The following SYNE2 variants were observed in gnomAD, a reference collection of about 807,000 sequenced individuals.
SYNE2 encodes the protein spectrin repeat containing nuclear envelope protein 2, also known as nesprin-2.
Under a neutral mutation model 856.3 loss-of-function variants are expected in SYNE2, and 431 were observed. The observed-to-expected ratio is 0.50, with a 90% CI of 0.47 to 0.55. SYNE2 has a LOEUF of 0.55. Ranked by LOEUF, SYNE2 falls within the 20% of genes least tolerant of loss-of-function variation. SYNE2 has a pLI of 0.00. For missense variants in SYNE2, 8,129 were observed against 8,023.2 expected (o/e 1.01, Z -0.50); for synonymous variants, 2,923 against 2,872.3 (o/e 1.02, Z -0.56).
intron 77 of SYNE2, 45 bp from the exon 78 acceptor site, chr14:64,134,024 A>C (rs1462623558): frequency 6.2e-7 from 1 of 1,611,254 alleles, no homozygotes; most frequent in Admixed American, 1.7e-5. Context: ...TCTGGAACCA[A>C]TCTGGTAAAG....
chr14:63,814,348 G>T (rs1888742877), intron 1 of SYNE2, among the ~76,000 whole-genome samples: 1 of 147,450 alleles, frequency 6.8e-6, no homozygotes, highest in Non-Finnish European at 1.5e-5. Context: ...TATTAGTCAG[G>T]GTTCTCTAGA....
In SYNE2 at chr14:64,061,123, A is replaced by C. The variant is rs375896637; in HGVS notation, c.10068-1628A>C. Among the ~76,000 whole-genome samples, 128 of 152,264 alleles carry C rather than the reference A, an allele frequency of 8.4e-4. 3 individuals carry two copies. The South Asian group carries it at 0.024, about 28-fold the overall frequency. ...GCTCTCGTAATTTTTGGTTTTTATG[A>C]AGTTGCTTTTGTATGGAGATAGGTG... On this transcript the variant is annotated intron_variant, in intron 49 of 115. Transcript: ENST00000555002.
chr14:63,863,611 C>A (rs2140222669), intron 1 of SYNE2, among the ~76,000 whole-genome samples: 1 of 152,250 alleles, frequency 6.6e-6, no homozygotes, highest in African/African-American at 2.4e-5. Flanking sequence ...AAACCCCCCA[C>A]AACTCAAATG....
At chr14:63,911,259 A>C (rs567968626) in intron 2 of SYNE2, among the ~76,000 whole-genome samples, 2 of 152,044 alleles carry the variant, frequency 1.3e-5, no homozygotes, top group Non-Finnish European at 2.9e-5. Context: ...CATCCTTCAT[A>C]CATCCTTTAT....
intron 95 of SYNE2, among the ~76,000 whole-genome samples, chr14:64,176,278 T>C (rs1191449174): frequency 6.6e-6 from 1 of 152,368 alleles, no homozygotes; most frequent in South Asian, 2.1e-4. Context: ...AAAGAGATGG[T>C]TGACCCTTGA....
chr14:64,021,100 A>C (rs1032194420), intron 35 of SYNE2, among the ~76,000 whole-genome samples: 1 of 152,212 alleles, frequency 6.6e-6, no homozygotes, highest in African/African-American at 2.4e-5. Flanking sequence ...CTTAGAAAAA[A>C]ATCAGAATAT....
At chr14:63,825,145 A>T (rs1415056788) in intron 1 of SYNE2, among the ~76,000 whole-genome samples, 1 of 152,182 alleles carries the variant, frequency 6.6e-6, no homozygotes, top group Non-Finnish European at 1.5e-5. Flanking sequence ...CTGATAAAGG[A>T]CATTGATGAA....
At chr14:63,992,203 C>T (rs1371493812) in intron 21 of SYNE2, among the ~76,000 whole-genome samples, 1 of 151,208 alleles carries the variant, frequency 6.6e-6, no homozygotes, top group African/African-American at 2.4e-5. Flanking sequence ...AGGCTGGATT[C>T]TAGGTGGGTA....
At chr14:63,922,697 T>C (rs976218845) in intron 2 of SYNE2, among the ~76,000 whole-genome samples, 2 of 152,252 alleles carry the variant, frequency 1.3e-5, no homozygotes, top group African/African-American at 2.4e-5. Flanking sequence ...ATTTCATCGC[T>C]ATTTTTTGCC....
At chr14:63,941,558 G>A (rs2095916818) in intron 3 of SYNE2, 137 bp from the exon 4 acceptor site, 3 of 717,414 alleles carry the variant, frequency 4.2e-6, no homozygotes, top group Admixed American at 2.5e-5. Flanking sequence ...ATCTTTGCAT[G>A]TTCTCTCTCA....
chr14:64,098,284 C>T, intron 62 of SYNE2, 138 bp downstream of exon 62: 4 of 944,266 alleles, frequency 4.2e-6, no homozygotes, highest in Middle Eastern at 6.3e-4. Flanking sequence ...AATACTCAAC[C>T]TGAGGTTGTT....
At chr14:64,020,227 T>A (rs1048676073) in intron 35 of SYNE2, 134 bp downstream of exon 35, 1 of 673,590 alleles carries the variant, frequency 1.5e-6, no homozygotes, top group Non-Finnish European at 2.6e-6. Context: ...TTAAAGATTC[T>A]CTATAACAGG....
intron 8 of SYNE2, among the ~76,000 whole-genome samples, chr14:63,958,646 C>G (rs772869726): frequency 6.6e-6 from 1 of 152,180 alleles, no homozygotes; most frequent in Non-Finnish European, 1.5e-5. Flanking sequence ...TCTCTCCATA[C>G]TGTGCTCTTT....
intron 81 of SYNE2, 54 bp downstream of exon 81, chr14:64,141,577 C>G (rs1445699050): frequency 1.3e-6 from 2 of 1,564,806 alleles, no homozygotes; most frequent in African/African-American, 2.7e-5. Flanking sequence ...TAGCTCATAA[C>G]TCTTTTAAAA....
rs1465888881 is a variant in SYNE2, at chr14:64,022,737, T to C, written c.5525-14T>C. On this transcript the variant is annotated splice_polypyrimidine_tract_variant and intron_variant, in intron 37 of 115. Coordinates refer to ENST00000555002, the MANE Select transcript of SYNE2 (RefSeq NM_182914.3). ...CTTCCTTGAATGAATAGAGCTTTTT[T>C]TTTCCCCCTGCAGATCAATGCAAGA... 22 of 1,382,886 alleles carry C rather than the reference T, an allele frequency of 1.6e-5. No individual in the cohort carries two copies. Among genetic ancestry groups the C allele is most frequent in the Non-Finnish European group, 2.3e-5 (22 of 973,784 alleles). 85.7% of individuals were successfully genotyped at this position (1,382,886 alleles called of 1,614,324 possible). A position where few individuals can be genotyped will look rare whatever the true frequency, so the allele number is the denominator to read the frequency against.
intron 84 of SYNE2, among the ~76,000 whole-genome samples, chr14:64,146,899 T>A (rs555497961): frequency 1.1e-3 from 168 of 152,344 alleles, no homozygotes; most frequent in African/African-American, 3.9e-3. Context: ...GACTGGAAAG[T>A]CTGGCCGGAC....
Position 64,143,867 on chromosome 14 carries a change from C to T in SYNE2, c.15402C>T (p.Arg5134=), listed in dbSNP as rs2098160665. The change falls in exon 83 of 116, where the codon CGC becomes CGT. Residue 5134 remains arginine (R), a synonymous_variant. Coordinates refer to ENST00000555002, the MANE Select transcript of SYNE2 (RefSeq NM_182914.3). ...QLSTCDVESK[R]YERTEFAEHL... is the part of the protein sequence containing the mutation. ...GCACCTGTGATGTAGAAAGCAAGCG[C>T]TATGAAAGAACGGAGTTTGCAGAGC... 1 of 1,614,056 alleles carries T rather than the reference C, an allele frequency of 6.2e-7. No homozygotes were observed. The highest frequency in any genetic ancestry group is 1.3e-5 in the African/African-American group (1 of 74,922).
At chr14:63,891,169 C>T (rs1053710771) in intron 1 of SYNE2, among the ~76,000 whole-genome samples, 1 of 152,148 alleles carries the variant, frequency 6.6e-6, no homozygotes, top group African/African-American at 2.4e-5. Context: ...CTTTCCTGTA[C>T]CCTCCTAGGT....
At chr14:64,081,089 T>G (rs564776429) in intron 56 of SYNE2, among the ~76,000 whole-genome samples, 5 of 152,274 alleles carry the variant, frequency 3.3e-5, no homozygotes, top group Non-Finnish European at 7.3e-5. Context: ...AGCATCCTAG[T>G]CTTAGAAGAA....
Sources: gnomAD v4.1 joint callset for allele counts (sites outside exome capture counted in the v4.1 genomes callset) on GRCh38, gnomAD v4.1.1 for gene constraint, MANE v1.5 for transcripts, NCBI Gene and HGNC (gene_info 2026-07-23, HGNC 2026-07-21) for gene names.